The following ERC2 variants were observed in gnomAD, a reference collection of about 807,000 sequenced individuals.
The protein encoded by ERC2 is ELKS/RAB6-interacting/CAST family member 2, also known as ERC protein 2.
Under a neutral mutation model 114.8 loss-of-function variants are expected in ERC2, and 42 were observed. The observed-to-expected ratio is 0.37, with a 90% CI of 0.29 to 0.47. ERC2 has a LOEUF of 0.47. Among genes scored for constraint, ERC2 ranks in the 20% least tolerant of loss-of-function variants. The pLI is 0.99. For synonymous variants in ERC2, 454 were observed against 425.5 expected (o/e 1.07, Z -0.82); for missense variants, 939 against 1,150.7 (o/e 0.82, Z 2.66).
At chr3:56,069,166 G>A (rs1165374822) in intron 7 of ERC2, among the ~76,000 whole-genome samples, 2 of 152,124 alleles carry the variant, frequency 1.3e-5, no homozygotes, top group African/African-American at 2.4e-5. Context: ...ATTATTGTGT[G>A]GGAAGACTGC....
chr3:55,964,177 A>C (rs1225792510), intron 12 of ERC2, among the ~76,000 whole-genome samples: 4 of 152,238 alleles, frequency 2.6e-5, no homozygotes, highest in African/African-American at 9.6e-5. Flanking sequence ...ATATAATCTC[A>C]GTTAAATGAA....
chr3:55,810,152 A>T lies in ERC2; in HGVS notation c.2565-75234T>A, dbSNP rs6785716. On this transcript the variant is annotated intron_variant, in intron 14 of 17. Coordinates refer to ENST00000288221, the MANE Select transcript of ERC2 (RefSeq NM_015576.3). ...AACATTTTCATATTCTGACATGTGC[A>T]AATATCCCTGCTCCTTTTTTTTCTT... 5.7e-3 allele frequency among the ~76,000 whole-genome samples: 871 copies of T among 152,330 alleles called. 9 individuals carry two copies. The highest frequency in any genetic ancestry group is 0.02 in the African/African-American group (829 of 41,570).
chr3:56,264,334 C>T (rs774579612), intron 3 of ERC2, among the ~76,000 whole-genome samples: 8 of 152,068 alleles, frequency 5.3e-5, no homozygotes, highest in South Asian at 4.1e-4. Flanking sequence ...TGGTGGCTCA[C>T]GCCTGTAATC....
At chr3:56,143,539 G>C (rs2080981948) in intron 5 of ERC2, among the ~76,000 whole-genome samples, 1 of 152,152 alleles carries the variant, frequency 6.6e-6, no homozygotes, top group African/African-American at 2.4e-5. Context: ...TCTCTTGCCT[G>C]CTGCCATGTA....
chr3:55,862,136 CACAA>C (rs2062056619), intron 14 of ERC2, among the ~76,000 whole-genome samples: 1 of 152,142 alleles, frequency 6.6e-6, no homozygotes, highest in African/African-American at 2.4e-5. Flanking sequence ...GCAAAACACA[CACAA>C]ACACACACAC....
intron 17 of ERC2, among the ~76,000 whole-genome samples, chr3:55,631,221 T>G (rs1405644957): frequency 1.3e-5 from 2 of 152,106 alleles, no homozygotes; most frequent in African/African-American, 4.8e-5. Context: ...TAAGACTCAA[T>G]GAATGTTTAA....
intron 14 of ERC2, among the ~76,000 whole-genome samples, chr3:55,877,733 G>C (rs553267009): frequency 6.6e-6 from 1 of 151,740 alleles, no homozygotes; most frequent in African/African-American, 2.4e-5. Flanking sequence ...TGCTGGTCTC[G>C]AACTCCTGAG....
chr3:55,597,350 G>A (rs1191554215), intron 17 of ERC2, among the ~76,000 whole-genome samples: 2 of 151,308 alleles, frequency 1.3e-5, no homozygotes, highest in Non-Finnish European at 2.9e-5. Flanking sequence ...AACCCAGGAG[G>A]TGGAGCTTGC....
chr3:56,405,886 T>TC (rs1449206600), intron 2 of ERC2, among the ~76,000 whole-genome samples: 13 of 136,896 alleles, frequency 9.5e-5, no homozygotes, highest in African/African-American at 3.7e-4. Context: ...AACTTTTTTT[T>TC]CTTTTTTTTT....
intron 14 of ERC2, among the ~76,000 whole-genome samples, chr3:55,816,134 TA>T (rs1174879586): frequency 1.3e-5 from 2 of 152,358 alleles, no homozygotes; most frequent in Non-Finnish European, 2.9e-5. Flanking sequence ...CAGAAAGTAT[TA>T]ATATGACTTA....
At chr3:55,865,402 T>C (rs55682897) in intron 14 of ERC2, among the ~76,000 whole-genome samples, 14,587 of 152,176 alleles carry the variant, frequency 0.096, 784 homozygotes, top group South Asian at 0.16. Context: ...GCATGGACTA[T>C]AACTCGTATG....
At chr3:55,831,401 G>T (rs1339592652) in intron 14 of ERC2, among the ~76,000 whole-genome samples, 3 of 79,336 alleles carry the variant, frequency 3.8e-5, no homozygotes, top group African/African-American at 1.1e-4. Flanking sequence ...GGGGAGGGGA[G>T]GGGAGGGAAG....
In ERC2 at chr3:56,220,900, T is replaced by C. The variant is rs188574024; in HGVS notation, c.1075-47380A>G. 2.0e-4 allele frequency among the ~76,000 whole-genome samples: 30 copies of C among 152,228 alleles called. 1 individual carries two copies. The highest frequency in any genetic ancestry group is 1.7e-3 in the Admixed American group (26 of 15,292). On this transcript the variant is annotated intron_variant, in intron 3 of 17. Transcript: ENST00000288221. The stretch of plus-strand genomic sequence containing the variant: ...ACCAACTATAGAAAGGAGGTTCTGA[T>C]ACTGAAAAAAAGAAAAAAAAGATGA...
intron 17 of ERC2, among the ~76,000 whole-genome samples, chr3:55,597,146 C>T (rs765412691): frequency 7.9e-5 from 12 of 152,216 alleles, no homozygotes; most frequent in Admixed American, 2.0e-4. Flanking sequence ...TTTGGCCGGG[C>T]GCGGTGGCTC....
At chr3:55,636,366 T>C (rs141656464) in intron 17 of ERC2, among the ~76,000 whole-genome samples, 3 of 152,226 alleles carry the variant, frequency 2.0e-5, no homozygotes, top group East Asian at 1.9e-4. Context: ...TGTTGTAACC[T>C]TGGGGAAATC....
chr3:56,317,809 G>A (rs775008504), intron 2 of ERC2, among the ~76,000 whole-genome samples: 13 of 152,260 alleles, frequency 8.5e-5, no homozygotes, highest in African/African-American at 1.2e-4. Flanking sequence ...AAATATTAAC[G>A]TGGCAAGAGG....
intron 4 of ERC2, among the ~76,000 whole-genome samples, chr3:56,154,831 C>T (rs981281074): frequency 3.9e-5 from 6 of 151,954 alleles, no homozygotes; most frequent in Non-Finnish European, 1.5e-5. Flanking sequence ...CAGAGCCTAC[C>T]CTAAGAGAGT....
At chr3:55,688,267 T>C (rs2062440421) in intron 16 of ERC2, among the ~76,000 whole-genome samples, 1 of 152,038 alleles carries the variant, frequency 6.6e-6, no homozygotes, top group Non-Finnish European at 1.5e-5. Flanking sequence ...TTAGAAAGAG[T>C]GCTGACGGCT....
At chr3:56,282,262 T>C (rs2054398091) in intron 3 of ERC2, among the ~76,000 whole-genome samples, 1 of 151,892 alleles carries the variant, frequency 6.6e-6, no homozygotes, top group South Asian at 2.1e-4. Context: ...ATTAACCTCA[T>C]AAAACAATGC....
Sources: allele counts gnomAD v4.1 joint callset (sites outside exome capture counted in the v4.1 genomes callset), GRCh38; gene constraint gnomAD v4.1.1; transcripts MANE v1.5; gene names NCBI Gene and HGNC (gene_info 2026-07-23, HGNC 2026-07-21).